Variants in LRRC49 observed in about 807,000 individuals in gnomAD.
The protein encoded by LRRC49 is leucine-rich repeat-containing protein 49.
LRRC49 carries 50 observed loss-of-function variants against 83.3 expected under a neutral mutation model. The observed-to-expected ratio is 0.60, with a 90% CI of 0.48 to 0.76. LRRC49 has a LOEUF of 0.76. Among genes scored for constraint, LRRC49 ranks in the 30% least tolerant of loss-of-function variants. The probability of loss-of-function intolerance (pLI) is 0.00; values close to 1 mark genes in which losing one functional copy is unlikely to be tolerated. For synonymous variants in LRRC49, 286 were observed against 283.3 expected (o/e 1.01, Z -0.10); for missense variants, 704 against 809.1 (o/e 0.87, Z 1.58).
intron 7 of LRRC49, among the ~76,000 whole-genome samples, chr15:70,934,952 G>T (rs2141155484): frequency 6.6e-6 from 1 of 152,296 alleles, no homozygotes; most frequent in East Asian, 1.9e-4. Flanking sequence ...AGACCAGATA[G>T]GCAGCAGGCT....
intron 8 of LRRC49, among the ~76,000 whole-genome samples, chr15:70,950,471 C>T (rs192625456): frequency 2.0e-5 from 3 of 150,892 alleles, no homozygotes; most frequent in Admixed American, 2.0e-4. Context: ...TTTTCACCAG[C>T]GTATCATTGT....
At chr15:71,025,053 A>C (rs1013708413) in intron 14 of LRRC49, among the ~76,000 whole-genome samples, 3 of 152,226 alleles carry the variant, frequency 2.0e-5, no homozygotes, top group African/African-American at 7.2e-5. Flanking sequence ...TTATGTAAAA[A>C]GACAAAACCT....
At chr15:70,926,159 C>G (rs2035187835) in intron 7 of LRRC49, among the ~76,000 whole-genome samples, 1 of 152,140 alleles carries the variant, frequency 6.6e-6, no homozygotes, top group African/African-American at 2.4e-5. Flanking sequence ...TTTGCTTATT[C>G]ATTTTTCTGT....
intron 8 of LRRC49, among the ~76,000 whole-genome samples, chr15:70,959,746 A>C (rs2036541866): frequency 6.6e-6 from 1 of 152,152 alleles, no homozygotes. Context: ...TTGAATTCTA[A>C]AGTTTATATG....
intron 9 of LRRC49, among the ~76,000 whole-genome samples, chr15:70,979,667 T>C (rs891410930): frequency 6.6e-6 from 1 of 152,132 alleles, no homozygotes; most frequent in East Asian, 1.9e-4. Context: ...AAAAGATATT[T>C]ACCCTGGTTT....
intron 8 of LRRC49, among the ~76,000 whole-genome samples, chr15:70,959,109 T>C (rs1280083800): frequency 6.6e-6 from 1 of 152,194 alleles, no homozygotes; most frequent in Non-Finnish European, 1.5e-5. Flanking sequence ...TATAAAGTAT[T>C]TGTGTACTGA....
At chr15:70,893,538 T>G in intron 1 of LRRC49, 46 bp from the exon 2 acceptor site, 1 of 1,199,060 alleles carries the variant, frequency 8.3e-7, no homozygotes, top group Non-Finnish European at 1.2e-6. Context: ...GAAATATGTG[T>G]TTGTGTATTA....
chr15:70,927,788 C>T (rs1415540120), intron 7 of LRRC49, among the ~76,000 whole-genome samples: 1 of 152,132 alleles, frequency 6.6e-6, no homozygotes, highest in African/African-American at 2.4e-5. Context: ...GCTGGGACTA[C>T]AGGCACATGC....
chr15:70,994,950 T>C (rs554030717), intron 11 of LRRC49, among the ~76,000 whole-genome samples: 1 of 152,360 alleles, frequency 6.6e-6, no homozygotes, highest in South Asian at 2.1e-4. Context: ...GGGAAAATGT[T>C]GAAAGATTGA....
chr15:70,990,195 GT>G, intron 11 of LRRC49, among the ~76,000 whole-genome samples: 1 of 152,326 alleles, frequency 6.6e-6, no homozygotes, highest in Non-Finnish European at 1.5e-5. Flanking sequence ...GTCTGCGGAG[GT>G]TACTGCTGTC....
chr15:70,964,618 C>T (rs975499332), intron 9 of LRRC49, among the ~76,000 whole-genome samples: 1 of 151,956 alleles, frequency 6.6e-6, no homozygotes, highest in African/African-American at 2.4e-5. Context: ...GCATAATATC[C>T]CCCTCTTTTT....
At position 70,938,014 on chromosome 15, in the gene LRRC49, C is replaced by T. The variant is rs969789468; in HGVS notation, c.773+1192C>T. Among the ~76,000 whole-genome samples, 12 of 151,934 alleles carry T rather than the reference C, an allele frequency of 7.9e-5. No homozygotes were observed. In the South Asian group the frequency reaches 1.7e-3, roughly 21 times the overall value. ...CAACTCTTTAGAGAAGATAGTGTCT[C>T]GTTTTTACAATATGCAAAATATTCT... On this transcript the variant is annotated intron_variant, in intron 8 of 15. Coordinates refer to ENST00000260382, the MANE Select transcript of LRRC49 (RefSeq NM_017691.5).
At chr15:70,892,303 T>C (rs1291149255), upstream of LRRC49, 2 of 1,550,620 alleles carry the variant, frequency 1.3e-6, no homozygotes, top group South Asian at 1.2e-5. Flanking sequence ...GGGAGCCGGG[T>C]TCCCTGGACC....
chr15:71,039,794 G>A (rs575652137), intron 15 of LRRC49, among the ~76,000 whole-genome samples: 23 of 152,182 alleles, frequency 1.5e-4, no homozygotes, highest in Admixed American at 5.2e-4. Context: ...GTAAAATATC[G>A]AAAAGCTGCA....
chr15:71,022,726 T>C (rs1338975999), intron 14 of LRRC49, among the ~76,000 whole-genome samples: 3 of 152,172 alleles, frequency 2.0e-5, no homozygotes, highest in African/African-American at 4.8e-5. Context: ...AAATCCACAA[T>C]TACAATTAGT....
chr15:70,923,596 C>A (rs1227743920), intron 7 of LRRC49, among the ~76,000 whole-genome samples: 1 of 151,700 alleles, frequency 6.6e-6, no homozygotes, highest in Admixed American at 6.6e-5. Flanking sequence ...ATGTTAATAC[C>A]AGGCTTTTCT....
At chr15:71,029,938 A>G (rs2039296838) in intron 14 of LRRC49, among the ~76,000 whole-genome samples, 1 of 152,152 alleles carries the variant, frequency 6.6e-6, no homozygotes, top group Admixed American at 6.5e-5. Flanking sequence ...GGGTCTCCTG[A>G]ATACAGCACA....
At chr15:70,959,211 G>A (rs1380713458) in intron 8 of LRRC49, among the ~76,000 whole-genome samples, 5 of 152,124 alleles carry the variant, frequency 3.3e-5, no homozygotes, top group African/African-American at 4.8e-5. Flanking sequence ...TAAAAATCCC[G>A]GCTGGATGCG....
intron 14 of LRRC49, among the ~76,000 whole-genome samples, chr15:71,016,178 A>G (rs935240777): frequency 6.6e-6 from 1 of 152,042 alleles, no homozygotes; most frequent in African/African-American, 2.4e-5. Flanking sequence ...GTTTCTATGA[A>G]CCTCTTGAAT....
Sources: allele counts gnomAD v4.1 joint callset (sites outside exome capture counted in the v4.1 genomes callset), GRCh38; gene constraint gnomAD v4.1.1; transcripts MANE v1.5; gene names NCBI Gene and HGNC (gene_info 2026-07-23, HGNC 2026-07-21).